CLIC5: variants seen among roughly 807,000 people sequenced by gnomAD.
CLIC5 encodes CLIC family member 5, also known as chloride intracellular channel protein 5.
In CLIC5, 20 loss-of-function variants were observed where a neutral mutation model predicts 24.7. The ratio of observed to expected loss-of-function variants is 0.81; its 90% CI spans 0.57 to 1.18. The LOEUF (loss-of-function observed/expected upper bound fraction) is 1.18, where lower values mean the gene tolerates loss of function less well. CLIC5 is among the 50% of genes most tolerant of loss of function. The probability of loss-of-function intolerance (pLI) is 0.00; values close to 1 mark genes in which losing one functional copy is unlikely to be tolerated. For missense variants in CLIC5, 341 were observed against 326.1 expected, an observed-to-expected ratio of 1.05 and a Z score of -0.35; for synonymous variants, 159 against 135.6, an observed-to-expected ratio of 1.17 and a Z score of -1.20.
intron 4 of CLIC5, among the ~76,000 whole-genome samples, chr6:45,924,528 A>G (rs1763399880): frequency 6.6e-6 from 1 of 152,156 alleles, no homozygotes; most frequent in Admixed American, 6.5e-5. Context: ...GTGTGTAGCA[A>G]ATTAAATGTG....
chr6:46,109,375 C>G, the CLIC5 span, among the ~76,000 whole-genome samples: 2 of 151,856 alleles, frequency 1.3e-5, no homozygotes, highest in Non-Finnish European at 1.5e-5. Context: ...TTCCAGGACT[C>G]TAATTAAAAA....
At chr6:45,922,253 G>A (rs374470153) in intron 4 of CLIC5, among the ~76,000 whole-genome samples, 9 of 152,180 alleles carry the variant, frequency 5.9e-5, no homozygotes, top group East Asian at 3.8e-4. Context: ...GAAAGATAGC[G>A]TTTAAGTCTT....
intron 1 of CLIC5, among the ~76,000 whole-genome samples, chr6:45,996,572 C>T (rs1190899586): frequency 3.3e-5 from 5 of 152,106 alleles, no homozygotes; most frequent in Non-Finnish European, 7.3e-5. Context: ...TATGGCTAGC[C>T]AGTTTTCCCA....
At chr6:45,895,860 A>T (rs943673502), downstream of CLIC5, among the ~76,000 whole-genome samples, 8 of 152,304 alleles carry the variant, frequency 5.3e-5, no homozygotes, top group South Asian at 1.7e-3. Flanking sequence ...GGTCTCTATT[A>T]TGGCATTTGT....
chr6:45,940,280 A>G (rs1375140105), intron 4 of CLIC5, among the ~76,000 whole-genome samples: 1 of 152,206 alleles, frequency 6.6e-6, no homozygotes, highest in African/African-American at 2.4e-5. Flanking sequence ...TTTTACCTGC[A>G]GTTAATCAGC....
chr6:46,090,402 T>TG, the CLIC5 span, among the ~76,000 whole-genome samples: 6 of 134,874 alleles, frequency 4.4e-5, no homozygotes, highest in South Asian at 4.8e-4. Context: ...GTCAACTTGA[T>TG]GGGTTTTTTT....
intron 1 of CLIC5, among the ~76,000 whole-genome samples, chr6:46,076,121 A>G (rs948094503): frequency 2.6e-5 from 4 of 152,106 alleles, no homozygotes; most frequent in African/African-American, 7.2e-5. Flanking sequence ...AAATCGCCCA[A>G]TGCCTCCCGC....
intron 3 of CLIC5, among the ~76,000 whole-genome samples, chr6:45,947,689 C>A (rs2127377518): frequency 6.6e-6 from 1 of 152,116 alleles, no homozygotes; most frequent in East Asian, 1.9e-4. Context: ...CATTTTTTTT[C>A]ATGTGGGATT....
chr6:46,002,728 T>C (rs1766407101), intron 1 of CLIC5, among the ~76,000 whole-genome samples: 1 of 152,214 alleles, frequency 6.6e-6, no homozygotes, highest in Non-Finnish European at 1.5e-5. Flanking sequence ...TTCATGTCAC[T>C]ATGGCAGAGA....
At chr6:45,883,601 T>C (rs139564333) in intron 6 of CLIC5, among the ~76,000 whole-genome samples, 273 of 152,324 alleles carry the variant, frequency 1.8e-3, no homozygotes, top group African/African-American at 6.2e-3. Flanking sequence ...TGCTGGTTGC[T>C]GGGCCCTCAG....
At chr6:45,911,490 C>T in intron 5 of CLIC5, 6 of 554,132 alleles carry the variant, frequency 1.1e-5, no homozygotes, top group Non-Finnish European at 1.4e-5. Context: ...AGAGCAAATT[C>T]ATGCAGGAGT....
At chr6:46,060,718 T>C (rs2127469958) in intron 1 of CLIC5, among the ~76,000 whole-genome samples, 1 of 150,874 alleles carries the variant, frequency 6.6e-6, no homozygotes, top group Middle Eastern at 3.4e-3. Flanking sequence ...GCCACCCTGG[T>C]GCCTGCATTT....
chr6:46,036,291 C>T (rs1767655600), intron 1 of CLIC5, among the ~76,000 whole-genome samples: 2 of 150,396 alleles, frequency 1.3e-5, no homozygotes, highest in African/African-American at 2.4e-5. Flanking sequence ...TGTCTCCCCA[C>T]CTAGACTGCA....
At chr6:45,936,957 A>G (rs1340474811) in intron 4 of CLIC5, among the ~76,000 whole-genome samples, 1 of 152,044 alleles carries the variant, frequency 6.6e-6, no homozygotes. Context: ...TGGAGGCAGT[A>G]TCTGGTTACT....
At chr6:45,996,820 G>C (rs966837696) in intron 1 of CLIC5, among the ~76,000 whole-genome samples, 1 of 151,874 alleles carries the variant, frequency 6.6e-6, no homozygotes, top group Non-Finnish European at 1.5e-5. Flanking sequence ...TCTCACACCA[G>C]TTAGAATGGC....
At chr6:46,087,488 C>G in the CLIC5 span, among the ~76,000 whole-genome samples, 1 of 152,086 alleles carries the variant, frequency 6.6e-6, no homozygotes, top group East Asian at 1.9e-4. Flanking sequence ...ACTGCTCTGC[C>G]CTGGCACTGT....
In CLIC5 at chr6:45,998,433, G is replaced by A. The variant is rs563264657; in HGVS notation, c.63+17047C>T. Among the ~76,000 whole-genome samples the A allele has an allele frequency of 9.2e-4, 140 of 152,268 alleles. 4 individuals are homozygous for A. In the South Asian group the frequency reaches 0.023, roughly 25 times the overall value. On this transcript the variant is annotated intron_variant, in intron 1 of 5. Transcript: ENST00000339561. ...AAGTGCAGGGGAAGTGAGAGGAGGC[G>A]TAGTGGTAGAATTAGGGAATGAGTT...
intron 1 of CLIC5, among the ~76,000 whole-genome samples, chr6:46,061,483 G>A (rs145948887): frequency 3.3e-5 from 5 of 152,330 alleles, no homozygotes; most frequent in South Asian, 2.1e-4. Context: ...GAGCCACCAC[G>A]CCCAGCCAAC....
chr6:46,061,523 G>A (rs1015977428), intron 1 of CLIC5, among the ~76,000 whole-genome samples: 2 of 152,328 alleles, frequency 1.3e-5, no homozygotes, highest in Admixed American at 6.5e-5. Context: ...GGGTGGTCAA[G>A]TGCACTGTCC....
Sources: allele counts gnomAD v4.1 joint callset (sites outside exome capture counted in the v4.1 genomes callset), GRCh38; gene constraint gnomAD v4.1.1; transcripts MANE v1.5; gene names NCBI Gene and HGNC (gene_info 2026-07-23, HGNC 2026-07-21).